RETN: variants seen among roughly 807,000 people sequenced by gnomAD.
RETN encodes the protein C/EBP-epsilon regulated myeloid-specific secreted cysteine-rich protein precursor 1.
A neutral mutation model predicts 6.1 loss-of-function variants in RETN; 5 were observed. That is an observed-to-expected ratio of 0.82 (90% CI 0.43 to 1.73). The LOEUF is 1.73. RETN is among the 40% of genes most tolerant of loss of function. RETN has a pLI of 0.02. For missense variants in RETN, 168 were observed against 142.5 expected (o/e 1.18, Z -0.91); for synonymous variants, 62 against 59.2 (o/e 1.05, Z -0.22).
intron 1 of RETN, 83 bp downstream of exon 1, chr19:7,669,204 C>T (rs1233732258): frequency 2.6e-6 from 2 of 759,664 alleles, no homozygotes; most frequent in Non-Finnish European, 4.6e-6. Flanking sequence ...CTGTCCCCCA[C>T]ATGGGGGGAC....
rs750359414 is a variant in RETN at position 7,669,884 on chromosome 19, C to T, written c.182C>T (p.Ala61Val). The T allele has an allele frequency of 1.9e-6, 3 of 1,614,026 alleles. No homozygotes were observed. In the South Asian group the frequency reaches 3.3e-5, roughly 18 times the overall value. The change falls in exon 3 of 4, where the codon GCT becomes GTT. Residue 61 changes from alanine to valine, a missense_variant. Transcript: ENST00000221515. The part of the protein sequence containing the change: ...CQSVTSRGDL[A>V]TCPRGFAVTG... ...AGCGTCACCTCCAGGGGGGACCTGG[C>T]TACTTGCCCCCGAGGTGAGTGCAGG...
At chr19:7,669,207 G>GT in intron 1 of RETN, 86 bp downstream of exon 1, 8 of 766,042 alleles carry the variant, frequency 1.0e-5, no homozygotes, top group Non-Finnish European at 1.8e-5. Flanking sequence ...TCCCCCACAT[G>GT]GGGGGACAGG....
intron 3 of RETN, 61 bp from the exon 4 acceptor site, chr19:7,670,158 C>G: frequency 5.0e-6 from 5 of 1,004,954 alleles, no homozygotes; most frequent in South Asian, 1.4e-5. Flanking sequence ...CCCCACCCCC[C>G]TCCCGCTCCC....
At chr19:7,669,797 G>C in intron 2 of RETN, 24 bp from the exon 3 acceptor site, 2 of 1,609,998 alleles carry the variant, frequency 1.2e-6, no homozygotes, top group Admixed American at 1.7e-5. Flanking sequence ...AGCTCCCCCT[G>C]TCTCCTTTCC....
At chr19:7,669,267 C>G (rs1299309375) in intron 1 of RETN, 50 bp from the exon 2 acceptor site, 2 of 1,350,092 alleles carry the variant, frequency 1.5e-6, no homozygotes, top group Non-Finnish European at 2.1e-6. Context: ...CGGATCTTCC[C>G]CACAGGGCAG....
At position 7,669,349 on chromosome 19, in the gene RETN, T is replaced by A; in HGVS notation, c.23T>A (p.Leu8His). 6.2e-7 allele frequency: 1 copy of A among 1,613,762 alleles called. No homozygotes were observed. The highest frequency in any genetic ancestry group is 8.5e-7 in the Non-Finnish European group (1 of 1,179,864). Residue 8 changes from leucine (L) to histidine (H), a missense_variant, in exon 2 of 4, where the codon CTC becomes CAC. Leu to His is a moderately conservative substitution (Grantham distance 99, BLOSUM62 -3). Transcript: ENST00000221515. ...AGGATGAAAGCTCTCTGTCTCCTCC[T>A]CCTCCCTGTCCTGGGGCTGTTGGTG... MKALCLL[L>H]LPVLGLLVSS...
At chr19:7,669,943 G>A (rs950917621) in intron 3 of RETN, 45 bp downstream of exon 3, 7 of 1,516,870 alleles carry the variant, frequency 4.6e-6, no homozygotes, top group South Asian at 4.5e-5. Context: ...TCTGTTCCAA[G>A]TCCCCTGGGA....
At position 7,670,399 on chromosome 19, in the gene RETN, G is replaced by C; in HGVS notation, c.*50G>C. On this transcript the variant is annotated 3_prime_UTR_variant, in exon 4 of 4. Transcript: ENST00000221515. Reference sequence around the variant, plus strand: ...GCGGGCGGAGGCGGCTCCAGGTCCGGAGGGGTTGCGGGGGAGCTGGAAATA... The same window carrying C: ...GCGGGCGGAGGCGGCTCCAGGTCCGCAGGGGTTGCGGGGGAGCTGGAAATA... 1 of 1,522,334 alleles carries C rather than the reference G, an allele frequency of 6.6e-7. No homozygotes were observed. The highest frequency in any genetic ancestry group is 8.8e-7 in the Non-Finnish European group (1 of 1,137,744). The allele number at this position is 1,522,334 out of a possible 1,614,324, so 94.3% of individuals were successfully genotyped here. A position where few individuals can be genotyped will look rare whatever the true frequency, so the allele number is the denominator to read the frequency against.
Position 7,669,874 on chromosome 19 carries a change from G to C in RETN, c.172G>C (p.Gly58Arg). The C allele has an allele frequency of 6.2e-7, 1 of 1,614,086 alleles. No homozygotes were observed. The highest frequency in any genetic ancestry group is 8.5e-7 in the Non-Finnish European group (1 of 1,179,994). The change falls in exon 3 of 4, where the codon GGG (glycine) becomes CGG (arginine). Residue 58 changes from glycine (G) to arginine (R), a missense_variant. Gly to Arg is a moderately radical substitution (Grantham distance 125). Coordinates refer to ENST00000221515, the MANE Select transcript of RETN (RefSeq NM_020415.4). ...GLECQSVTSR[G>R]DLATCPRGFA... The stretch of plus-strand genomic sequence containing the variant: ...GGAGTGCCAGAGCGTCACCTCCAGG[G>C]GGGACCTGGCTACTTGCCCCCGAGG...
Sources: allele counts gnomAD v4.1 joint callset, GRCh38; gene constraint gnomAD v4.1.1; transcripts MANE v1.5; gene names NCBI Gene and HGNC (gene_info 2026-07-23, HGNC 2026-07-21).